EXOC6B: variants seen among roughly 807,000 people sequenced by gnomAD.
EXOC6B encodes SEC15 homolog B.
In EXOC6B, 54 loss-of-function variants were observed where a neutral mutation model predicts 113.5. The ratio of observed to expected loss-of-function variants is 0.48; its 90% CI spans 0.38 to 0.60. EXOC6B has a LOEUF of 0.60. EXOC6B is among the 20% of genes least tolerant of loss of function. The pLI is 0.00. For missense variants in EXOC6B, 797 were observed against 977.5 expected, an observed-to-expected ratio of 0.82 and a Z score of 2.46; for synonymous variants, 357 against 339.0, an observed-to-expected ratio of 1.05 and a Z score of -0.58.
At chr2:72,749,188 C>A (rs1306653442) in intron 1 of EXOC6B, among the ~76,000 whole-genome samples, 1 of 152,084 alleles carries the variant, frequency 6.6e-6, no homozygotes, top group Non-Finnish European at 1.5e-5. Flanking sequence ...AGTACCTCTA[C>A]AGCCTGGTGA....
chr2:72,661,482 A>T (rs1320698110), intron 6 of EXOC6B, among the ~76,000 whole-genome samples: 1 of 152,082 alleles, frequency 6.6e-6, no homozygotes, highest in Non-Finnish European at 1.5e-5. Context: ...ACTGGAAATA[A>T]ACAATTTAAA....
chr2:72,446,428 A>G (rs642847), intron 18 of EXOC6B, among the ~76,000 whole-genome samples: 20,581 of 152,082 alleles, frequency 0.14, 1,726 homozygotes, highest in African/African-American at 0.24. Context: ...TATACACCAT[A>G]GAATACTATG....
chr2:72,266,771 G>A (rs1017280104), intron 20 of EXOC6B, among the ~76,000 whole-genome samples: 9 of 152,084 alleles, frequency 5.9e-5, no homozygotes, highest in East Asian at 1.9e-4. Flanking sequence ...CTTTAAAGTA[G>A]TTTTTTTCCA....
At chr2:72,683,702 T>A (rs905794865) in intron 6 of EXOC6B, among the ~76,000 whole-genome samples, 2 of 152,154 alleles carry the variant, frequency 1.3e-5, no homozygotes, top group Non-Finnish European at 2.9e-5. Flanking sequence ...ACAATAAAGA[T>A]GTTTTCAAAT....
chr2:72,380,884 A>T (rs1691639597), intron 18 of EXOC6B, among the ~76,000 whole-genome samples: 1 of 152,218 alleles, frequency 6.6e-6, no homozygotes, highest in African/African-American at 2.4e-5. Context: ...ATCTGTTTCA[A>T]AATACAGGAT....
intron 8 of EXOC6B, among the ~76,000 whole-genome samples, chr2:72,557,862 A>C (rs1703653789): frequency 6.6e-6 from 1 of 152,176 alleles, no homozygotes; most frequent in Admixed American, 6.6e-5. Context: ...TATTTTTGTT[A>C]AAAGTGTCCG....
intron 1 of EXOC6B, among the ~76,000 whole-genome samples, chr2:72,815,370 A>G (rs1181631389): frequency 6.6e-6 from 1 of 152,020 alleles, no homozygotes; most frequent in Non-Finnish European, 1.5e-5. Flanking sequence ...GCGCACCTGT[A>G]GTCCCAGCTA....
chr2:72,513,080 A>G, intron 11 of EXOC6B, 52 bp downstream of exon 11: 4 of 1,597,576 alleles, frequency 2.5e-6, no homozygotes, highest in African/African-American at 2.7e-5. Context: ...AAAACACTGA[A>G]TATATAGATA....
chr2:72,595,686 A>G (rs1364161984), intron 6 of EXOC6B, among the ~76,000 whole-genome samples: 2 of 152,078 alleles, frequency 1.3e-5, no homozygotes, highest in Non-Finnish European at 2.9e-5. Flanking sequence ...AAGTGACACA[A>G]ATTTTTTTAA....
At chr2:72,490,354 G>C (rs946805988) in intron 16 of EXOC6B, among the ~76,000 whole-genome samples, 55 of 152,186 alleles carry the variant, frequency 3.6e-4, no homozygotes, top group African/African-American at 1.3e-3. Context: ...TGCTTCAAAT[G>C]TTACTGTACT....
chr2:72,715,822 G>A (rs1390779130), intron 6 of EXOC6B, among the ~76,000 whole-genome samples: 1 of 152,122 alleles, frequency 6.6e-6, no homozygotes, highest in East Asian at 1.9e-4. Context: ...GAGGAACCAT[G>A]GCTGAATCTT....
At chr2:72,374,356 A>G (rs897090444) in intron 19 of EXOC6B, among the ~76,000 whole-genome samples, 14 of 136,730 alleles carry the variant, frequency 1.0e-4, no homozygotes, top group Admixed American at 7.3e-4. Flanking sequence ...TTCAGCCACA[A>G]AAAAAGAATG....
At chr2:72,549,396 G>A (rs1703088408) in intron 8 of EXOC6B, among the ~76,000 whole-genome samples, 1 of 152,026 alleles carries the variant, frequency 6.6e-6, no homozygotes, top group Admixed American at 6.6e-5. Context: ...TCTGAACTAG[G>A]GCAATAATTT....
chr2:72,550,991 T>C (rs1703189627), intron 8 of EXOC6B, among the ~76,000 whole-genome samples: 1 of 151,350 alleles, frequency 6.6e-6, no homozygotes, highest in South Asian at 2.1e-4. Flanking sequence ...CGATCTTGGA[T>C]AACTGCCATT....
At chr2:72,269,899 GT>G (rs1433982019) in intron 20 of EXOC6B, among the ~76,000 whole-genome samples, 3 of 152,144 alleles carry the variant, frequency 2.0e-5, no homozygotes, top group Non-Finnish European at 2.9e-5. Context: ...TTTTTCAAGA[GT>G]TTTTTGAAGT....
chr2:72,528,768 C>A (rs761086536), intron 8 of EXOC6B, among the ~76,000 whole-genome samples: 1 of 152,026 alleles, frequency 6.6e-6, no homozygotes, highest in Non-Finnish European at 1.5e-5. Context: ...TAGATTGAAA[C>A]TAAGTATTTC....
intron 18 of EXOC6B, among the ~76,000 whole-genome samples, chr2:72,405,493 T>G (rs1036026994): frequency 6.6e-6 from 1 of 152,262 alleles, no homozygotes; most frequent in South Asian, 2.1e-4. Context: ...ATCAGACTAG[T>G]TGCGGATCTC....
At chr2:72,721,895 A>T (rs1680029637) in intron 5 of EXOC6B, 1 of 152,096 alleles carries the variant, frequency 6.6e-6, no homozygotes, top group East Asian at 1.9e-4. Flanking sequence ...ATCAGAGGAC[A>T]ATATTTATTA....
At chr2:72,547,202 C>T (rs1702958050) in intron 8 of EXOC6B, among the ~76,000 whole-genome samples, 1 of 152,126 alleles carries the variant, frequency 6.6e-6, no homozygotes, top group South Asian at 2.1e-4. Context: ...ATTCTCAATT[C>T]CCTTATATCT....
Sources: allele counts gnomAD v4.1 joint callset (sites outside exome capture counted in the v4.1 genomes callset), GRCh38; gene constraint gnomAD v4.1.1; transcripts MANE v1.5; gene names NCBI Gene and HGNC (gene_info 2026-07-23, HGNC 2026-07-21).